The following ANKRD44 variants were observed in gnomAD, a reference collection of about 807,000 sequenced individuals.
ANKRD44 encodes the protein serine/threonine-protein phosphatase 6 regulatory ankyrin repeat subunit B.
Under a neutral mutation model 116.0 loss-of-function variants are expected in ANKRD44, and 35 were observed. The ratio of observed to expected loss-of-function variants is 0.30; its 90% CI spans 0.23 to 0.40. The LOEUF (loss-of-function observed/expected upper bound fraction) is 0.40, where lower values mean the gene tolerates loss of function less well. Among genes scored for constraint, ANKRD44 ranks in the 10% least tolerant of loss-of-function variants. The pLI is 1.00. For missense variants in ANKRD44, 1,014 were observed against 1,242.6 expected, an observed-to-expected ratio of 0.82 and a Z score of 2.77; for synonymous variants, 435 against 461.8, an observed-to-expected ratio of 0.94 and a Z score of 0.74.
intron 21 of ANKRD44, among the ~76,000 whole-genome samples, chr2:196,979,580 T>TTTTTTTTTTTTTA (rs2075786167): frequency 1.1e-5 from 1 of 91,660 alleles, no homozygotes; most frequent in African/African-American, 3.5e-5. Context: ...TTTTTTTTTT[T>TTTTTTTTTTTTTA]AAGACAGAGT....
chr2:197,045,536 T>C (rs929743485), intron 16 of ANKRD44, among the ~76,000 whole-genome samples: 5 of 149,618 alleles, frequency 3.3e-5, no homozygotes, highest in African/African-American at 4.8e-5. Context: ...ACCCCTGTTA[T>C]TCACTCATAG....
chr2:197,153,959 T>TGTACATGTCTGTCTGTGC (rs1258913316), intron 2 of ANKRD44, among the ~76,000 whole-genome samples: 15 of 152,180 alleles, frequency 9.9e-5, no homozygotes, highest in Non-Finnish European at 2.1e-4. Context: ...TGTACACCTT[T>TGTACATGTCTGTCTGTGC]GTACATGTCT....
chr2:197,123,208 GAA>G (rs59836450), intron 6 of ANKRD44, among the ~76,000 whole-genome samples: 12 of 151,258 alleles, frequency 7.9e-5, no homozygotes, highest in Non-Finnish European at 1.6e-4. Flanking sequence ...ACTGATAAAA[GAA>G]AAAAAAACAA....
At chr2:197,160,752 G>GT (rs1261153336) in intron 2 of ANKRD44, among the ~76,000 whole-genome samples, 1 of 152,192 alleles carries the variant, frequency 6.6e-6, no homozygotes, top group Non-Finnish European at 1.5e-5. Context: ...TCTGAGCAGA[G>GT]TCAGATCTGG....
At chr2:197,263,345 G>GC (rs58002167) in intron 1 of ANKRD44, 673,038 of 673,130 alleles carry the variant, frequency 1, 336,474 homozygotes, top group Middle Eastern at 1. Flanking sequence ...TGGGGCTGGG[G>GC]CGCCACAGTT....
At chr2:197,222,266 G>A (rs1041157884) in intron 1 of ANKRD44, among the ~76,000 whole-genome samples, 1 of 152,126 alleles carries the variant, frequency 6.6e-6, no homozygotes, top group Non-Finnish European at 1.5e-5. Context: ...CTCAAGAAGA[G>A]GAGGAGGAGG....
At position 197,211,629 on chromosome 2, in the gene ANKRD44, C is replaced by T. The variant is rs145258081; in HGVS notation, c.28-24523G>A. Among the ~76,000 whole-genome samples the T allele has an allele frequency of 1.9e-3, 288 of 152,102 alleles. 1 individual carries two copies. Among genetic ancestry groups the T allele is most frequent in the African/African-American group, 6.8e-3 (281 of 41,470 alleles). ...AAAAAATTAACCATCTGTGAAATCA[C>T]GCTAATCCCATGAGTACATTTCTCA... On this transcript the variant is annotated intron_variant, in intron 1 of 27. Coordinates refer to ENST00000282272, the MANE Select transcript of ANKRD44 (RefSeq NM_001195144.2).
At chr2:197,013,787 G>A (rs1428252716) in intron 17 of ANKRD44, 75 bp from the exon 18 acceptor site, 5 of 1,490,754 alleles carry the variant, frequency 3.4e-6, no homozygotes, top group Non-Finnish European at 4.6e-6. Flanking sequence ...AGGAGGGGCT[G>A]GGCTTCCTGG....
chr2:197,006,514 G>A (rs1448022177), intron 20 of ANKRD44, among the ~76,000 whole-genome samples: 1 of 152,138 alleles, frequency 6.6e-6, no homozygotes, highest in Non-Finnish European at 1.5e-5. Context: ...AGATCTAAGT[G>A]AAATCTTGGC....
At chr2:197,220,179 C>A (rs1404085766) in intron 1 of ANKRD44, among the ~76,000 whole-genome samples, 1 of 152,096 alleles carries the variant, frequency 6.6e-6, no homozygotes, top group African/African-American at 2.4e-5. Flanking sequence ...TTGTGGCAGG[C>A]CTTAATTCCC....
chr2:197,070,315 G>A (rs1178504230), intron 16 of ANKRD44, among the ~76,000 whole-genome samples: 1 of 152,064 alleles, frequency 6.6e-6, no homozygotes, highest in African/African-American at 2.4e-5. Flanking sequence ...CCTTGACTTA[G>A]TCTTTTACCG....
intron 22 of ANKRD44, 68 bp from the exon 23 acceptor site, chr2:197,000,570 T>C: frequency 8.1e-7 from 1 of 1,238,448 alleles, no homozygotes; most frequent in Middle Eastern, 1.9e-4. Flanking sequence ...CTAACCCATC[T>C]TCCTATGTAC....
At chr2:197,170,190 CAAAAAA>C (rs71012960) in intron 2 of ANKRD44, among the ~76,000 whole-genome samples, 76,076 of 120,136 alleles carry the variant, frequency 0.63, 25,597 homozygotes, top group East Asian at 0.93. Context: ...ACCCTGTTTC[CAAAAAA>C]AAAAAAAAAA....
At chr2:197,136,207 T>C (rs2079212657) in intron 4 of ANKRD44, 1 of 217,644 alleles carries the variant, frequency 4.6e-6, no homozygotes, top group Non-Finnish European at 9.3e-6. Context: ...GCTAAGTCCT[T>C]ACTCAACCTT....
chr2:197,104,483 C>G (rs2078379123), intron 9 of ANKRD44, among the ~76,000 whole-genome samples: 1 of 152,100 alleles, frequency 6.6e-6, no homozygotes, highest in African/African-American at 2.4e-5. Flanking sequence ...TACACACCAG[C>G]AAAAAACTTT....
chr2:197,081,088 C>T (rs2077783569), intron 15 of ANKRD44, among the ~76,000 whole-genome samples: 1 of 152,204 alleles, frequency 6.6e-6, no homozygotes, highest in African/African-American at 2.4e-5. Context: ...ACTCCCACCC[C>T]TGCCACAGCA....
intron 2 of ANKRD44, among the ~76,000 whole-genome samples, chr2:197,148,293 T>C (rs1264986762): frequency 2.0e-5 from 3 of 152,204 alleles, no homozygotes; most frequent in African/African-American, 7.2e-5. Flanking sequence ...TTTATCCCCA[T>C]AGTAGCAGCA....
At chr2:196,993,012 C>A (rs2075949461) in intron 27 of ANKRD44, among the ~76,000 whole-genome samples, 1 of 152,166 alleles carries the variant, frequency 6.6e-6, no homozygotes, top group Non-Finnish European at 1.5e-5. Flanking sequence ...GAGTAGAAAG[C>A]TTCTGTTAAG....
At chr2:197,073,166 G>C (rs1316969805) in intron 16 of ANKRD44, among the ~76,000 whole-genome samples, 14 of 152,126 alleles carry the variant, frequency 9.2e-5, no homozygotes, top group Admixed American at 9.2e-4. Context: ...GACACATTAG[G>C]AGCAGGGACA....
Sources: gnomAD v4.1 joint callset for allele counts (sites outside exome capture counted in the v4.1 genomes callset) on GRCh38, gnomAD v4.1.1 for gene constraint, MANE v1.5 for transcripts, NCBI Gene and HGNC (gene_info 2026-07-23, HGNC 2026-07-21) for gene names.